Variants in RCSD1 observed in about 807,000 individuals in gnomAD.
RCSD1 encodes capZ-interacting protein.
In RCSD1, 26 loss-of-function variants were observed where a neutral mutation model predicts 42.5. That is an observed-to-expected ratio of 0.61 (90% CI 0.45 to 0.85). RCSD1 has a LOEUF of 0.85. Among genes scored for constraint, RCSD1 ranks in the 40% least tolerant of loss-of-function variants. The pLI is 0.00. For missense variants in RCSD1, 571 were observed against 528.3 expected (o/e 1.08, Z -0.79); for synonymous variants, 220 against 212.2 (o/e 1.04, Z -0.32).
intron 1 of RCSD1, among the ~76,000 whole-genome samples, chr1:167,657,268 T>G: frequency 6.6e-6 from 1 of 152,252 alleles, no homozygotes; most frequent in African/African-American, 2.4e-5. Flanking sequence ...GATCTATGCT[T>G]GTTTGTCCAA....
intron 1 of RCSD1, among the ~76,000 whole-genome samples, chr1:167,653,596 C>T (rs886456985): frequency 2.0e-5 from 3 of 152,236 alleles, no homozygotes; most frequent in African/African-American, 7.2e-5. Flanking sequence ...GTGTTGGCCA[C>T]TCTGCTAGGA....
rs1448194505 is a variant in RCSD1 at position 167,706,736 on chromosome 1, GGGGCTCTT to G, written c.*2043_*2050del. Reference sequence around the variant, plus strand: ...TCCCAGGGCTTGTTCATTAATAAAGGGGGCTCTTGGCAGGGAACTCATGAAGTACAGGG... The same window carrying G: ...TCCCAGGGCTTGTTCATTAATAAAGGGGCAGGGAACTCATGAAGTACAGGG... On this transcript the variant is annotated 3_prime_UTR_variant, in exon 7 of 7. Coordinates refer to ENST00000367854, the MANE Select transcript of RCSD1 (RefSeq NM_052862.4). Among the ~76,000 whole-genome samples the G allele has an allele frequency of 6.6e-6, 1 of 152,056 alleles. No homozygotes were observed.
intron 3 of RCSD1, among the ~76,000 whole-genome samples, chr1:167,687,300 G>A (rs1394781387): frequency 1.3e-5 from 2 of 152,080 alleles, no homozygotes; most frequent in Non-Finnish European, 2.9e-5. Context: ...CGAGGTGGGC[G>A]GATCACGAGG....
intron 5 of RCSD1, among the ~76,000 whole-genome samples, chr1:167,695,223 G>A (rs1659470109): frequency 6.6e-6 from 1 of 152,262 alleles, no homozygotes; most frequent in Non-Finnish European, 1.5e-5. Context: ...AGGCAGAGAG[G>A]AACCTTCAGA....
At chr1:167,650,950 C>T (rs1041575580) in intron 1 of RCSD1, among the ~76,000 whole-genome samples, 3 of 152,140 alleles carry the variant, frequency 2.0e-5, no homozygotes, top group African/African-American at 4.8e-5. Context: ...CCTTGCAATT[C>T]GAGAGGCTAG....
intron 5 of RCSD1, among the ~76,000 whole-genome samples, chr1:167,695,927 C>T (rs1344646086): frequency 2.0e-5 from 3 of 152,184 alleles, no homozygotes; most frequent in Non-Finnish European, 4.4e-5. Context: ...GAGAAGAGGC[C>T]TGATTCTGAG....
At chr1:167,689,694 TC>T (rs778663237) in intron 3 of RCSD1, among the ~76,000 whole-genome samples, 1 of 152,050 alleles carries the variant, frequency 6.6e-6, no homozygotes, top group Non-Finnish European at 1.5e-5. Flanking sequence ...GTCTTTGAAA[TC>T]CCCCAAATTG....
intron 4 of RCSD1, among the ~76,000 whole-genome samples, chr1:167,693,254 A>C (rs1659418516): frequency 6.6e-6 from 1 of 152,168 alleles, no homozygotes; most frequent in African/African-American, 2.4e-5. Context: ...TGCAGAGGGC[A>C]GGAGAAGCAC....
At chr1:167,640,506 A>G (rs1200591738) in intron 1 of RCSD1, 1 of 152,248 alleles carries the variant, frequency 6.6e-6, no homozygotes, top group Non-Finnish European at 1.5e-5. Flanking sequence ...GTTTTTGCAC[A>G]TAAGGTAACA....
intron 1 of RCSD1, among the ~76,000 whole-genome samples, chr1:167,683,372 T>C (rs1319376948): frequency 1.3e-5 from 2 of 152,212 alleles, no homozygotes; most frequent in African/African-American, 2.4e-5. Flanking sequence ...AGTGCTTGAA[T>C]CCAGGCAGTT....
At chr1:167,692,908 C>T (rs1352852036) in intron 4 of RCSD1, among the ~76,000 whole-genome samples, 1 of 152,016 alleles carries the variant, frequency 6.6e-6, no homozygotes, top group African/African-American at 2.4e-5. Flanking sequence ...CCAAGGGGAG[C>T]TGGGAGGGAG....
chr1:167,680,298 G>A (rs1164456614), intron 1 of RCSD1, among the ~76,000 whole-genome samples: 1 of 151,932 alleles, frequency 6.6e-6, no homozygotes, highest in Non-Finnish European at 1.5e-5. Flanking sequence ...TGCTGGCAGG[G>A]GAGGGACTTA....
chr1:167,690,886 ACCCTGTGTGCCCAGAG>A (rs1181237541), intron 4 of RCSD1, among the ~76,000 whole-genome samples: 1 of 151,916 alleles, frequency 6.6e-6, no homozygotes, highest in Non-Finnish European at 1.5e-5. Flanking sequence ...TCCACCAGTA[ACCCTGTGTGCCCAGAG>A]CCCTCACCTC....
intron 1 of RCSD1, among the ~76,000 whole-genome samples, chr1:167,681,862 C>T (rs577926094): frequency 1.9e-4 from 29 of 152,188 alleles, no homozygotes; most frequent in Non-Finnish European, 3.1e-4. Context: ...TCTCTGACTT[C>T]CTTATGTGGC....
intron 1 of RCSD1, among the ~76,000 whole-genome samples, chr1:167,650,488 G>A (rs1371823180): frequency 1.3e-5 from 2 of 152,276 alleles, no homozygotes; most frequent in South Asian, 2.1e-4. Context: ...CCAGCCAGGG[G>A]GTAGGCAGGA....
chr1:167,644,488 A>ATAC (rs1658081990), intron 1 of RCSD1, among the ~76,000 whole-genome samples: 1 of 76,722 alleles, frequency 1.3e-5, no homozygotes, highest in African/African-American at 5.6e-5. Context: ...TCAAAAAATA[A>ATAC]ATACATACAT....
chr1:167,689,077 A>G (rs1249324792), intron 3 of RCSD1, among the ~76,000 whole-genome samples: 4 of 152,222 alleles, frequency 2.6e-5, no homozygotes, highest in African/African-American at 9.6e-5. Context: ...ATGATTATGT[A>G]ACACATGCAT....
chr1:167,691,803 C>T (rs1002822815), intron 4 of RCSD1, among the ~76,000 whole-genome samples: 23 of 152,186 alleles, frequency 1.5e-4, no homozygotes, highest in Admixed American at 9.8e-4. Context: ...AACTGAGAAG[C>T]CCTGATTCCA....
rs1659747293 is a variant in RCSD1, at chr1:167,705,906, C to A, written c.*1210C>A. 6.6e-6 allele frequency: 1 copy of A among 152,192 alleles called. No homozygotes were observed. The highest frequency in any genetic ancestry group is 2.4e-5 in the African/African-American group (1 of 41,438). 9.4% of individuals were successfully genotyped at this position (152,192 alleles called of 1,614,324 possible). ...ATGTTAATCCAAATACACATTTAAA[C>A]TTAGGGTCGGTCCTTATTCTGATTT... On this transcript the variant is annotated 3_prime_UTR_variant, in exon 7 of 7. Coordinates refer to ENST00000367854, the MANE Select transcript of RCSD1 (RefSeq NM_052862.4).
Sources: gnomAD v4.1 joint callset for allele counts (sites outside exome capture counted in the v4.1 genomes callset) on GRCh38, gnomAD v4.1.1 for gene constraint, MANE v1.5 for transcripts, NCBI Gene and HGNC (gene_info 2026-07-23, HGNC 2026-07-21) for gene names.